Variants in DNA2 observed in about 807,000 individuals in gnomAD.
DNA2 encodes the protein DNA replication ATP-dependent helicase/nuclease DNA2.
DNA2 carries 101 observed loss-of-function variants against 119.1 expected under a neutral mutation model. That is an observed-to-expected ratio of 0.85 (90% CI 0.72 to 1.00). The LOEUF (loss-of-function observed/expected upper bound fraction) is 1.00, where lower values mean the gene tolerates loss of function less well. DNA2 is among the 50% of genes least tolerant of loss of function. The pLI, the probability that DNA2 is intolerant of heterozygous loss-of-function variation, is 0.00. For missense variants in DNA2, 1,121 were observed against 1,255.5 expected (o/e 0.89, Z 1.62); for synonymous variants, 366 against 424.4 (o/e 0.86, Z 1.69).
chr10:68,443,950 C>CAA (rs112714604), intron 8 of DNA2, among the ~76,000 whole-genome samples: 10 of 146,266 alleles, frequency 6.8e-5, no homozygotes, highest in African/African-American at 1.5e-4. Flanking sequence ...GACTCTGTCT[C>CAA]AAAAAAAAAG....
upstream of DNA2, chr10:68,472,044 G>T (rs907947986): frequency 6.2e-7 from 1 of 1,603,678 alleles, no homozygotes; most frequent in African/African-American, 1.3e-5. Flanking sequence ...TTCCACGTGG[G>T]GCCCCTCACC....
chr10:68,423,257 C>A (rs1424901894), intron 14 of DNA2, among the ~76,000 whole-genome samples: 1 of 149,742 alleles, frequency 6.7e-6, no homozygotes, highest in East Asian at 1.9e-4. Flanking sequence ...TTTCCACAAA[C>A]GACAACTAAA....
chr10:68,435,576 C>T (rs1294108479), intron 10 of DNA2, among the ~76,000 whole-genome samples: 6 of 152,096 alleles, frequency 3.9e-5, no homozygotes, highest in South Asian at 2.1e-4. Flanking sequence ...CTGCCTCAGC[C>T]TCCCAAGTAG....
At chr10:68,457,642 T>C (rs1174952848) in intron 5 of DNA2, among the ~76,000 whole-genome samples, 1 of 151,614 alleles carries the variant, frequency 6.6e-6, no homozygotes, top group Admixed American at 6.6e-5. Context: ...CCTAAAACAT[T>C]ACTTGGCATA....
Position 68,470,119 on chromosome 10 carries a change from C to T in DNA2, c.119G>A (p.Ser40Asn), listed in dbSNP as rs1221882901. The part of the protein sequence containing the change: ...VVASFPRTVL[S>N]TGMDNRYLVL... ...CAGGTACCGGTTATCCATTCCTGTG[C>T]TCAGAACTGTTCTTGGAAAGGAAGC... The change falls in exon 2 of 21, where the codon AGC becomes AAC. Residue 40 changes from serine (S) to asparagine (N), a missense_variant. Physicochemically the swap from Ser to Asn is conservative, Grantham distance 46. Coordinates refer to ENST00000358410, the MANE Select transcript of DNA2 (RefSeq NM_001080449.3). 1.9e-6 allele frequency: 3 copies of T among 1,608,970 alleles called. No homozygotes were observed. Among genetic ancestry groups the T allele is most frequent in the East Asian group, 2.2e-5 (1 of 44,860 alleles).
intron 3 of DNA2, 130 bp downstream of exon 3, chr10:68,467,993 T>C: frequency 1.5e-6 from 1 of 677,598 alleles, no homozygotes; most frequent in Non-Finnish European, 2.2e-6. Context: ...TTTCCTCATC[T>C]ATAAAATGCA....
intron 9 of DNA2, among the ~76,000 whole-genome samples, chr10:68,440,397 A>G (rs578207747): frequency 6.6e-6 from 1 of 152,190 alleles, no homozygotes; most frequent in African/African-American, 2.4e-5. Flanking sequence ...TCCCGGGTTC[A>G]TGGGATTCTC....
rs762929606 is a variant in DNA2, at chr10:68,422,744, C to G, written c.2355G>C (p.Val785=). ...PLFFSRRFVL[V]GDHQQLPPLV... The stretch of plus-strand genomic sequence containing the variant: ...GGGGAGGAAGCTGCTGATGGTCCCC[C>G]ACTAACACAAATCTCCGTGAAAAAA... Residue 785 remains valine, a synonymous_variant, in exon 15 of 21, where the codon GTG becomes GTC. Transcript: ENST00000358410. 2 of 1,611,898 alleles carry G rather than the reference C, an allele frequency of 1.2e-6. No individual in the cohort carries two copies. Among genetic ancestry groups the G allele is most frequent in the East Asian group, 2.2e-5 (1 of 44,860 alleles).
At chr10:68,425,404 T>C (rs7923283) in intron 14 of DNA2, among the ~76,000 whole-genome samples, 13,795 of 146,824 alleles carry the variant, frequency 0.094, 933 homozygotes, top group South Asian at 0.24. Flanking sequence ...ATGTTTGTGT[T>C]CTTTTTTTTT....
At chr10:68,463,443 C>CA (rs35470662) in intron 4 of DNA2, among the ~76,000 whole-genome samples, 960 of 59,290 alleles carry the variant, frequency 0.016, 22 homozygotes, top group African/African-American at 0.034. Flanking sequence ...GACTCCATCT[C>CA]AAAAAAAAAA....
At chr10:68,446,847 T>C (rs1447244803) in intron 6 of DNA2, among the ~76,000 whole-genome samples, 3 of 151,808 alleles carry the variant, frequency 2.0e-5, no homozygotes, top group Admixed American at 1.3e-4. Context: ...CTGGGAACAA[T>C]AGTGAGGGTG....
At chr10:68,468,335 A>C (rs2052350437) in intron 2 of DNA2, 29 bp from the exon 3 acceptor site, 1 of 1,459,972 alleles carries the variant, frequency 6.8e-7, no homozygotes, top group Admixed American at 2.2e-5. Context: ...TAAAGTATAA[A>C]TACATAGCTT....
Position 68,432,317 on chromosome 10 carries a change from T to C in DNA2, c.1764-2A>G. On this transcript the variant is annotated splice_acceptor_variant, in intron 11 of 20. Coordinates refer to ENST00000358410, the MANE Select transcript of DNA2 (RefSeq NM_001080449.3). LOFTEE classifies it high-confidence loss of function. ...ATAATTAAATCTCGAAGTTTTTTGC[T>C]GAAAAGTGAAAAAGCACTTTTAGTA... 1.3e-6 allele frequency: 2 copies of C among 1,588,534 alleles called. No homozygotes were observed. Among genetic ancestry groups the C allele is most frequent in the South Asian group, 2.3e-5 (2 of 86,548 alleles).
At position 68,468,122 on chromosome 10, in the gene DNA2, C is replaced by A; in HGVS notation, c.441+1G>T. 3 of 1,562,296 alleles carry A rather than the reference C, an allele frequency of 1.9e-6. No individual in the cohort carries two copies. The highest frequency in any genetic ancestry group is 1.3e-5 in the South Asian group (1 of 79,618). ...AAACATTAACTGTTACTATTATTTA[C>A]CCTAAAAGTTTCACTCAGGACAGCT... is the stretch of plus-strand genomic sequence containing the variant. On this transcript the variant is annotated splice_donor_variant, in intron 3 of 20. Transcript: ENST00000358410. LOFTEE classifies it high-confidence loss of function.
intron 4 of DNA2, among the ~76,000 whole-genome samples, chr10:68,459,555 TCA>T (rs1418948409): frequency 6.6e-6 from 1 of 151,958 alleles, no homozygotes; most frequent in Non-Finnish European, 1.5e-5. Flanking sequence ...GTAGTGAAAA[TCA>T]CAGAGATAGA....
At chr10:68,425,084 ATTTCTT>A in intron 14 of DNA2, 1 of 203,602 alleles carries the variant, frequency 4.9e-6, no homozygotes, top group African/African-American at 3.1e-5. Flanking sequence ...TCTCTGGAAC[ATTTCTT>A]TTTTTTTTTT....
At chr10:68,469,492 C>T (rs1326358250) in intron 2 of DNA2, among the ~76,000 whole-genome samples, 1 of 151,250 alleles carries the variant, frequency 6.6e-6, no homozygotes, top group Non-Finnish European at 1.5e-5. Flanking sequence ...GATGAAGTTT[C>T]GCTCTTGTTG....
At chr10:68,450,310 GCT>G in intron 5 of DNA2, 63 bp from the exon 6 acceptor site, 3 of 1,221,756 alleles carry the variant, frequency 2.5e-6, no homozygotes, top group Non-Finnish European at 3.5e-6. Context: ...ACATCTGCTG[GCT>G]CTGACTGCCT....
intron 3 of DNA2, 65 bp from the exon 4 acceptor site, chr10:68,465,877 C>A (rs549938418): frequency 3.0e-6 from 4 of 1,320,808 alleles, no homozygotes; most frequent in African/African-American, 1.5e-5. Context: ...ATATTTATTA[C>A]CTAATCTATT....
Sources: allele counts gnomAD v4.1 joint callset (sites outside exome capture counted in the v4.1 genomes callset), GRCh38; gene constraint gnomAD v4.1.1; transcripts MANE v1.5; gene names NCBI Gene and HGNC (gene_info 2026-07-23, HGNC 2026-07-21).